TIA1: variants seen among roughly 807,000 people sequenced by gnomAD.
The protein encoded by TIA1 is TIA1 cytotoxic granule associated RNA binding protein, also known as cytotoxic granule associated RNA binding protein TIA1.
In TIA1, 23 loss-of-function variants were observed where a neutral mutation model predicts 65.9. That is an observed-to-expected ratio of 0.35 (90% CI 0.25 to 0.49). The LOEUF (loss-of-function observed/expected upper bound fraction) is 0.49, where lower values mean the gene tolerates loss of function less well. Ranked by LOEUF, TIA1 falls within the 20% of genes least tolerant of loss-of-function variation. The pLI, the probability that TIA1 is intolerant of heterozygous loss-of-function variation, is 0.98. For missense variants in TIA1, 371 were observed against 477.9 expected, an observed-to-expected ratio of 0.78 and a Z score of 2.09; for synonymous variants, 147 against 149.4, an observed-to-expected ratio of 0.98 and a Z score of 0.12.
chr2:70,245,153 A>G (rs376624905), intron 1 of TIA1, among the ~76,000 whole-genome samples: 10 of 152,122 alleles, frequency 6.6e-5, no homozygotes, highest in African/African-American at 2.4e-4. Context: ...CACCTAGCTA[A>G]TTTTTGTATT....
At position 70,229,367 on chromosome 2, in the gene TIA1, A is replaced by C. The variant is rs747501051; in HGVS notation, c.223-49T>G. On this transcript the variant is annotated intron_variant, in intron 3 of 12. Transcript: ENST00000433529. Reference sequence around the variant, plus strand: ...TTATACTTCACAAAAATAAAGCCCAAAATCACATTTGTATCTATAAACACA... The same window carrying C: ...TTATACTTCACAAAAATAAAGCCCACAATCACATTTGTATCTATAAACACA... 11 of 1,492,034 alleles carry C rather than the reference A, an allele frequency of 7.4e-6. No homozygotes were observed. The African/African-American group carries it at 1.5e-4, about 21-fold the overall frequency. 92.4% of individuals were successfully genotyped at this position (1,492,034 alleles called of 1,614,324 possible).
intron 1 of TIA1, 45 bp from the exon 2 acceptor site, chr2:70,236,220 CAG>C (rs750707804): frequency 1.1e-4 from 133 of 1,227,928 alleles, no homozygotes; most frequent in Middle Eastern, 2.2e-4. Flanking sequence ...TTTTTTGAGA[CAG>C]AGTTTCACTC....
chr2:70,225,275 C>A (rs930827645), intron 6 of TIA1: 1 of 1,235,694 alleles, frequency 8.1e-7, no homozygotes, highest in Non-Finnish European at 1.0e-6. Context: ...ATTGGAACTA[C>A]AAGATATAAA....
rs577934127 is a variant in TIA1 at position 70,220,037 on chromosome 2, G to A, written c.475-3043C>T. ...TGAAATATGGCCTTATTTGGAAACA[G>A]GGTCTTTGCCGAAGTAATTAAGATG... On this transcript the variant is annotated intron_variant, in intron 7 of 12. Transcript: ENST00000433529. Among the ~76,000 whole-genome samples, 8 of 152,232 alleles carry A rather than the reference G, an allele frequency of 5.3e-5. No homozygotes were observed. In the South Asian group the frequency reaches 8.3e-4, roughly 16 times the overall value.
intron 6 of TIA1, chr2:70,225,219 G>T: frequency 2.8e-6 from 3 of 1,084,112 alleles, no homozygotes; most frequent in Non-Finnish European, 3.4e-6. Flanking sequence ...AGCTAGACAA[G>T]AAAAGATTTT....
At chr2:70,228,340 A>C in intron 5 of TIA1, 1 of 1,284,224 alleles carries the variant, frequency 7.8e-7, no homozygotes, top group Admixed American at 2.4e-5. Flanking sequence ...AATCAAAGAA[A>C]TACCTTGCAT....
At chr2:70,228,643 A>G in intron 5 of TIA1, 1 of 985,498 alleles carries the variant, frequency 1.0e-6, no homozygotes, top group Non-Finnish European at 1.2e-6. Context: ...ACATACATCA[A>G]TTTGACAAAG....
intron 5 of TIA1, chr2:70,228,377 GAC>G (rs1042719516): frequency 7.8e-7 from 1 of 1,288,194 alleles, no homozygotes; most frequent in Admixed American, 2.3e-5. Context: ...TAAAGTATTT[GAC>G]AGTTTTCTCA....
chr2:70,219,871 T>C (rs1361073391), intron 7 of TIA1, among the ~76,000 whole-genome samples: 2 of 151,818 alleles, frequency 1.3e-5, no homozygotes, highest in African/African-American at 4.8e-5. Flanking sequence ...TGAGCCACTG[T>C]GCCTGGCAGG....
In TIA1 at chr2:70,209,465, C is replaced by T. The variant is rs1254541147; in HGVS notation, c.*3254G>A. On this transcript the variant is annotated 3_prime_UTR_variant, in exon 13 of 13. Transcript: ENST00000433529. ...CCTATTCAATTGAGACACACTCACA[C>T]ATTTTATTAAGGCTCTTAAATTGAA... 5.0e-6 allele frequency: 2 copies of T among 397,196 alleles called. No homozygotes were observed. The highest frequency in any genetic ancestry group is 4.4e-5 in the Admixed American group (1 of 22,700). The allele number at this position is 397,196 out of a possible 1,614,324, so 24.6% of individuals were successfully genotyped here.
In TIA1 at chr2:70,212,826, G is replaced by A. The variant is rs1676843411; in HGVS notation, c.1054C>T (p.Pro352Ser). Residue 352 changes from proline to serine, a missense_variant, in exon 13 of 13, where the codon CCA becomes TCA. By Grantham distance (74) the Pro-to-Ser change is moderately conservative (BLOSUM62 -1). Coordinates refer to ENST00000433529, the MANE Select transcript of TIA1 (RefSeq NM_022173.4). ...QGFNQTQSSAPWMGPNYGVQP... is the reference protein window; with the variant it reads ...QGFNQTQSSASWMGPNYGVQP... ...ACTCCATAATTTGGTCCCATCCATG[G>A]TGCAGAAGACTGTGTCTGACTGGTG... is the stretch of plus-strand genomic sequence containing the variant. The A allele has an allele frequency of 6.2e-7, 1 of 1,613,906 alleles. No individual in the cohort carries two copies. Among genetic ancestry groups the A allele is most frequent in the Non-Finnish European group, 8.5e-7 (1 of 1,179,808 alleles).
Position 70,229,086 on chromosome 2 carries a change from T to A in TIA1, c.283A>T (p.Thr95Ser), listed in dbSNP as rs767534980. 1.4e-5 allele frequency: 22 copies of A among 1,613,436 alleles called. No homozygotes were observed. In the East Asian group the frequency reaches 4.0e-4, roughly 29 times the overall value. The change falls in exon 5 of 13, where the codon ACC becomes TCC. Residue 95 changes from threonine to serine, a missense_variant. Coordinates refer to ENST00000433529, the MANE Select transcript of TIA1 (RefSeq NM_022173.4). Reference sequence around the variant, plus strand: ...TGTGAACGCTGTGTGCTGACAACGGTACTACCTGATGACAAAGATTAGATT... The same window carrying A: ...TGTGAACGCTGTGTGCTGACAACGGAACTACCTGATGACAAAGATTAGATT... ...SSQKKDTSSSTVVSTQRSQDH... is the reference protein window; with the variant it reads ...SSQKKDTSSSSVVSTQRSQDH...
rs762762686 is a variant in TIA1, at chr2:70,214,446, ACCACTGGCC to A, written c.928_936del (p.Gly310_Trp312del). ...TGGCCAATTTGTTGTGCATTTCCAT[ACCACTGGCC>A]CCACTGGCCATAAGGTTGGGGATAT... is the stretch of plus-strand genomic sequence containing the variant. On this transcript the variant is annotated inframe_deletion, in exon 12 of 13. Coordinates refer to ENST00000433529, the MANE Select transcript of TIA1 (RefSeq NM_022173.4). 1 of 1,613,970 alleles carries A rather than the reference ACCACTGGCC, an allele frequency of 6.2e-7. No homozygotes were observed. Among genetic ancestry groups the A allele is most frequent in the South Asian group, 1.1e-5 (1 of 91,050 alleles).
At chr2:70,236,581 C>T (rs1469508288) in intron 1 of TIA1, among the ~76,000 whole-genome samples, 3 of 151,866 alleles carry the variant, frequency 2.0e-5, no homozygotes, top group Admixed American at 1.3e-4. Flanking sequence ...CTGCCTTGGT[C>T]CCCTGAGTAA....
intron 7 of TIA1, among the ~76,000 whole-genome samples, chr2:70,220,577 A>C (rs1241230727): frequency 6.6e-6 from 1 of 152,212 alleles, no homozygotes; most frequent in Non-Finnish European, 1.5e-5. Flanking sequence ...AGAGCCTTCA[A>C]AAGAGCATGG....
chr2:70,212,481 T>A lies in TIA1; in HGVS notation c.*238A>T, dbSNP rs940862078. ...CCTGCATTTGTGTTTGAAACAAGGATCTGAGAAACTTTATCAAAAAAGGTA... is the reference window on the plus strand; with the variant it reads ...CCTGCATTTGTGTTTGAAACAAGGAACTGAGAAACTTTATCAAAAAAGGTA... On this transcript the variant is annotated 3_prime_UTR_variant, in exon 13 of 13. Coordinates refer to ENST00000433529, the MANE Select transcript of TIA1 (RefSeq NM_022173.4). The A allele has an allele frequency of 1.7e-5, 6 of 361,368 alleles. No individual in the cohort carries two copies. Among genetic ancestry groups the A allele is most frequent in the Non-Finnish European group, 1.6e-5 (3 of 191,164 alleles). 22.4% of individuals were successfully genotyped at this position (361,368 alleles called of 1,614,324 possible). A position where few individuals can be genotyped will look rare whatever the true frequency, so the allele number is the denominator to read the frequency against.
intron 7 of TIA1, among the ~76,000 whole-genome samples, chr2:70,222,721 C>T (rs1233313041): frequency 1.3e-5 from 2 of 152,184 alleles, no homozygotes; most frequent in African/African-American, 4.8e-5. Flanking sequence ...TGAGACCAGC[C>T]TGGCCAACAT....
chr2:70,239,351 CAA>C (rs1362084528), intron 1 of TIA1, among the ~76,000 whole-genome samples: 1 of 152,118 alleles, frequency 6.6e-6, no homozygotes, highest in Non-Finnish European at 1.5e-5. Flanking sequence ...CTCGGCCTCC[CAA>C]AGTGTTTGGA....
At chr2:70,238,404 GGGGCTACA>G (rs1245368484) in intron 1 of TIA1, among the ~76,000 whole-genome samples, 1 of 149,934 alleles carries the variant, frequency 6.7e-6, no homozygotes, top group Non-Finnish European at 1.5e-5. Context: ...CCACGTAGCT[GGGGCTACA>G]GGCGCCCGCC....
Sources: gnomAD v4.1 joint callset for allele counts (sites outside exome capture counted in the v4.1 genomes callset) on GRCh38, gnomAD v4.1.1 for gene constraint, MANE v1.5 for transcripts, NCBI Gene and HGNC (gene_info 2026-07-23, HGNC 2026-07-21) for gene names.